The following NPNT variants were observed in gnomAD, a reference collection of about 807,000 sequenced individuals.
NPNT encodes the protein preosteoblast EGF-like repeat protein with MAM domain.
A neutral mutation model predicts 68.6 loss-of-function variants in NPNT; 45 were observed. The observed-to-expected ratio is 0.66, with a 90% CI of 0.52 to 0.84. The LOEUF (loss-of-function observed/expected upper bound fraction) is 0.84, where lower values mean the gene tolerates loss of function less well. NPNT is among the 40% of genes least tolerant of loss of function. NPNT has a pLI of 0.00. For missense variants in NPNT, 672 were observed against 714.8 expected (o/e 0.94, Z 0.68); for synonymous variants, 233 against 253.3 (o/e 0.92, Z 0.76).
chr4:105,906,748 A>G (rs1726931416), intron 2 of NPNT, among the ~76,000 whole-genome samples: 1 of 152,250 alleles, frequency 6.6e-6, no homozygotes, highest in South Asian at 2.1e-4. Context: ...TAGAGCAGGG[A>G]TAGGGCCCCG....
intron 8 of NPNT, among the ~76,000 whole-genome samples, chr4:105,943,382 T>C (rs1730144594): frequency 6.6e-6 from 1 of 152,146 alleles, no homozygotes; most frequent in African/African-American, 2.4e-5. Context: ...TAATAGGCAG[T>C]AGACTGCCAG....
chr4:105,901,571 C>A (rs961303987), intron 2 of NPNT, among the ~76,000 whole-genome samples: 1 of 152,168 alleles, frequency 6.6e-6, no homozygotes, highest in Non-Finnish European at 1.5e-5. Context: ...TTTCTGAGTT[C>A]TTTGGCTGTC....
rs2149418780 is a variant in NPNT at position 105,969,098 on chromosome 4, G to T, written c.*108G>T. The T allele has an allele frequency of 1.4e-6, 1 of 719,852 alleles. No homozygotes were observed. The highest frequency in any genetic ancestry group is 2.7e-5 in the Admixed American group (1 of 37,296). 44.6% of individuals were successfully genotyped at this position (719,852 alleles called of 1,614,324 possible). The stretch of plus-strand genomic sequence containing the variant: ...TCAGGCCTAGGAGAAGAGTGGGTCA[G>T]TGGGTCAGAAGGAAGTCTATTTGGT... On this transcript the variant is annotated 3_prime_UTR_variant, in exon 12 of 12. Transcript: ENST00000379987.
At chr4:105,953,464 A>G (rs1355418847) in intron 8 of NPNT, among the ~76,000 whole-genome samples, 1 of 152,206 alleles carries the variant, frequency 6.6e-6, no homozygotes, top group African/African-American at 2.4e-5. Context: ...TTGGCTTATA[A>G]TGAATAGATG....
At chr4:105,925,467 T>C (rs901348013) in intron 2 of NPNT, among the ~76,000 whole-genome samples, 2 of 151,734 alleles carry the variant, frequency 1.3e-5, no homozygotes, top group Non-Finnish European at 2.9e-5. Flanking sequence ...TTAGTGACAG[T>C]TGGGGGAGGA....
At chr4:105,935,287 AAC>A (rs1270646745) in intron 3 of NPNT, among the ~76,000 whole-genome samples, 1 of 152,214 alleles carries the variant, frequency 6.6e-6, no homozygotes, top group African/African-American at 2.4e-5. Flanking sequence ...GCCTTTCTCT[AAC>A]ACCATATTTG....
chr4:105,959,416 CTTAAG>C (rs1731500522), intron 10 of NPNT, among the ~76,000 whole-genome samples: 1 of 151,834 alleles, frequency 6.6e-6, no homozygotes, highest in Non-Finnish European at 1.5e-5. Context: ...GCAAATAATT[CTTAAG>C]TTATTTGTAG....
At chr4:105,944,008 G>T (rs1288902286) in intron 8 of NPNT, among the ~76,000 whole-genome samples, 1 of 151,982 alleles carries the variant, frequency 6.6e-6, no homozygotes, top group Non-Finnish European at 1.5e-5. Context: ...CTAATAAAGG[G>T]GATATCAGAG....
chr4:105,940,253 C>T, intron 6 of NPNT, 44 bp downstream of exon 6: 1 of 1,590,298 alleles, frequency 6.3e-7, no homozygotes, highest in Non-Finnish European at 8.6e-7. Context: ...CTTCCTAGAG[C>T]ACTGAAAGGT....
intron 2 of NPNT, among the ~76,000 whole-genome samples, chr4:105,900,964 G>A (rs373173392): frequency 6.6e-6 from 1 of 151,650 alleles, no homozygotes; most frequent in East Asian, 1.9e-4. Context: ...TATTGATGTG[G>A]CTGTTTATTG....
intron 8 of NPNT, among the ~76,000 whole-genome samples, chr4:105,949,598 G>A (rs1578664801): frequency 6.6e-6 from 1 of 152,098 alleles, no homozygotes; most frequent in Admixed American, 6.5e-5. Flanking sequence ...GTGTCACAGG[G>A]GTAGGAGCAA....
intron 2 of NPNT, among the ~76,000 whole-genome samples, chr4:105,898,380 C>CTCTCTCTGTCTT (rs58673636): frequency 8.9e-6 from 1 of 112,464 alleles, no homozygotes; most frequent in African/African-American, 4.4e-5. Flanking sequence ...CTCTCTCTCT[C>CTCTCTCTGTCTT]GCTGACTCGC....
At chr4:105,961,900 G>A (rs1398857671) in intron 10 of NPNT, among the ~76,000 whole-genome samples, 1 of 152,204 alleles carries the variant, frequency 6.6e-6, no homozygotes, top group East Asian at 1.9e-4. Context: ...GGAGAGGAAA[G>A]TGACTATGTG....
At chr4:105,943,804 C>T (rs1289576920) in intron 8 of NPNT, among the ~76,000 whole-genome samples, 1 of 152,026 alleles carries the variant, frequency 6.6e-6, no homozygotes, top group Non-Finnish European at 1.5e-5. Context: ...ATATTGAATA[C>T]CTTTATAACT....
chr4:105,948,984 G>A (rs935697816), intron 8 of NPNT, among the ~76,000 whole-genome samples: 1 of 152,094 alleles, frequency 6.6e-6, no homozygotes, highest in Non-Finnish European at 1.5e-5. Context: ...GGGCTAATCC[G>A]GTGGGCATGA....
At chr4:105,908,007 A>G (rs1727054407) in intron 2 of NPNT, among the ~76,000 whole-genome samples, 1 of 152,146 alleles carries the variant, frequency 6.6e-6, no homozygotes, top group Non-Finnish European at 1.5e-5. Context: ...AATTTTCTGG[A>G]GAATTTCAGT....
rs548833198 is a variant in NPNT, at chr4:105,915,637, A to G, written c.173-11699A>G. Among the ~76,000 whole-genome samples the G allele has an allele frequency of 2.0e-5, 3 of 152,326 alleles. No homozygotes were observed. The South Asian group carries it at 6.2e-4, about 32-fold the overall frequency. On this transcript the variant is annotated intron_variant, in intron 2 of 11. Coordinates refer to ENST00000379987, the MANE Select transcript of NPNT (RefSeq NM_001033047.3). Reference sequence around the variant, plus strand: ...TGTGAAAGGTGAAGAAGATGTAATCAAGATTACTCCCAAGTCTCTAGGACA... The same window carrying G: ...TGTGAAAGGTGAAGAAGATGTAATCGAGATTACTCCCAAGTCTCTAGGACA...
At chr4:105,958,926 A>G in intron 9 of NPNT, 102 bp from the exon 10 acceptor site, 1 of 739,534 alleles carries the variant, frequency 1.4e-6, no homozygotes, top group Non-Finnish European at 2.4e-6. Flanking sequence ...TTATATGGAT[A>G]GGAGAGAACA....
At chr4:105,899,849 C>T (rs1367659691) in intron 2 of NPNT, among the ~76,000 whole-genome samples, 1 of 152,094 alleles carries the variant, frequency 6.6e-6, no homozygotes, top group Non-Finnish European at 1.5e-5. Context: ...CTTGTCAGTT[C>T]AGAGTTCTGC....
Sources: gnomAD v4.1 joint callset for allele counts (sites outside exome capture counted in the v4.1 genomes callset) on GRCh38, gnomAD v4.1.1 for gene constraint, MANE v1.5 for transcripts, NCBI Gene and HGNC (gene_info 2026-07-23, HGNC 2026-07-21) for gene names.